PPP1R17: variants seen among roughly 807,000 people sequenced by gnomAD.
The protein encoded by PPP1R17 is G-substrate.
A neutral mutation model predicts 15.9 loss-of-function variants in PPP1R17; 12 were observed. The observed-to-expected ratio is 0.75, with a 90% CI of 0.48 to 1.22. The LOEUF is 1.22. Among genes scored for constraint, PPP1R17 ranks in the 50% most tolerant of loss-of-function variants. PPP1R17 has a pLI of 0.00. For synonymous variants in PPP1R17, 63 were observed against 64.5 expected, an observed-to-expected ratio of 0.98 and a Z score of 0.11; for missense variants, 211 against 187.3, an observed-to-expected ratio of 1.13 and a Z score of -0.74.
chr7:31,707,145 A>G, intron 4 of PPP1R17, 59 bp from the exon 5 acceptor site: 1 of 1,503,550 alleles, frequency 6.7e-7, no homozygotes, highest in Non-Finnish European at 9.2e-7. Context: ...TCTGTCTGCA[A>G]CGTTGCCTAA....
chr7:31,696,854 G>A, intron 3 of PPP1R17, 111 bp from the exon 4 acceptor site: 2 of 1,229,116 alleles, frequency 1.6e-6, no homozygotes, highest in Non-Finnish European at 2.2e-6. Flanking sequence ...AAGTAAGTTT[G>A]GAAAGCTATA....
chr7:31,689,570 T>C (rs763965000), intron 1 of PPP1R17, among the ~76,000 whole-genome samples: 3 of 152,080 alleles, frequency 2.0e-5, no homozygotes, highest in Non-Finnish European at 4.4e-5. Context: ...ATGTCAAGAA[T>C]TAGACCGGCT....
chr7:31,701,508 G>A lies in PPP1R17; in HGVS notation c.388+4391G>A, dbSNP rs568431927. On this transcript the variant is annotated intron_variant, in intron 4 of 4. Transcript: ENST00000342032. Reference sequence around the variant, plus strand: ...GAACATTGTTGAAATGACAACAAAGGGTTTAGAATATTATGTAAACTTAGT... The same window carrying A: ...GAACATTGTTGAAATGACAACAAAGAGTTTAGAATATTATGTAAACTTAGT... Among the ~76,000 whole-genome samples, 9 of 152,288 alleles carry A rather than the reference G, an allele frequency of 5.9e-5. No individual in the cohort carries two copies. The South Asian group carries it at 1.9e-3, about 32-fold the overall frequency.
At chr7:31,699,027 A>C (rs1484356771) in intron 4 of PPP1R17, among the ~76,000 whole-genome samples, 1 of 152,196 alleles carries the variant, frequency 6.6e-6, no homozygotes, top group Non-Finnish European at 1.5e-5. Flanking sequence ...ACAAACCCCA[A>C]AGAAAAAGTC....
chr7:31,691,797 T>TAAAAAAAAAAAAAAAAAAAAAAA (rs377169335), intron 1 of PPP1R17, among the ~76,000 whole-genome samples: 2 of 86,558 alleles, frequency 2.3e-5, no homozygotes, highest in African/African-American at 8.9e-5. Context: ...ATGTAATGAT[T>TAAAAAAAAAAAAAAAAAAAAAAA]AAAAAAAAAA....
intron 1 of PPP1R17, among the ~76,000 whole-genome samples, chr7:31,688,676 C>A (rs923182481): frequency 6.6e-6 from 1 of 152,164 alleles, no homozygotes; most frequent in Non-Finnish European, 1.5e-5. Context: ...AAGTATCTCT[C>A]TGTAAAAAGA....
chr7:31,690,799 A>T (rs1324969744), intron 1 of PPP1R17, among the ~76,000 whole-genome samples: 1 of 152,134 alleles, frequency 6.6e-6, no homozygotes, highest in Non-Finnish European at 1.5e-5. Flanking sequence ...GATTACTCTG[A>T]TTCTAAGTGT....
chr7:31,690,779 G>A (rs899775616), intron 1 of PPP1R17, among the ~76,000 whole-genome samples: 1 of 152,072 alleles, frequency 6.6e-6, no homozygotes, highest in Non-Finnish European at 1.5e-5. Context: ...GTAAGTGCGT[G>A]GCTTCAAATG....
chr7:31,692,458 A>AT lies in PPP1R17; in HGVS notation c.17_18insT (p.Gln6HisfsTer24). 8.7e-6 allele frequency: 14 copies of AT among 1,611,230 alleles called. No individual in the cohort carries two copies. The highest frequency in any genetic ancestry group is 1.2e-5 in the Non-Finnish European group (14 of 1,177,366). ...CCTCCTTTGATGATGTCCACTGAGC[A>AT]AATGCAGCCACTGGAACTCTCAGAA... On this transcript the variant is annotated frameshift_variant, in exon 2 of 5. Transcript: ENST00000342032. LOFTEE classifies it high-confidence loss of function.
In PPP1R17 at chr7:31,692,492, G is replaced by A; in HGVS notation, c.51G>A (p.Leu17=). The A allele has an allele frequency of 6.2e-7, 1 of 1,610,936 alleles. No individual in the cohort carries two copies. The highest frequency in any genetic ancestry group is 8.5e-7 in the Non-Finnish European group (1 of 1,177,134). Residue 17 remains leucine (L), a synonymous_variant, in exon 2 of 5, where the codon CTG becomes CTA. Coordinates refer to ENST00000342032, the MANE Select transcript of PPP1R17 (RefSeq NM_006658.5). ...MQPLELSEDR[L]DKLDPRCSHL... ...CACTGGAACTCTCAGAAGACAGACT[G>A]GACAAGCTAGACCCTCGTTGCAGCC... is the stretch of plus-strand genomic sequence containing the variant.
At chr7:31,691,096 T>G (rs1415540970) in intron 1 of PPP1R17, among the ~76,000 whole-genome samples, 1 of 152,134 alleles carries the variant, frequency 6.6e-6, no homozygotes, top group East Asian at 1.9e-4. Flanking sequence ...ATACAAACAC[T>G]GAAAACAATG....
At chr7:31,687,384 A>C (rs1792144730) in intron 1 of PPP1R17, 78 bp downstream of exon 1, 1 of 152,306 alleles carries the variant, frequency 6.6e-6, no homozygotes, top group Non-Finnish European at 1.5e-5. Flanking sequence ...GGGACAAAGA[A>C]GGCTGTAGCT....
intron 1 of PPP1R17, among the ~76,000 whole-genome samples, chr7:31,689,639 AGAGT>A (rs1792255794): frequency 1.3e-5 from 2 of 152,268 alleles, no homozygotes; most frequent in African/African-American, 4.8e-5. Flanking sequence ...ATAGAAATGG[AGAGT>A]GAGTTGAGAG....
Position 31,696,996 on chromosome 7 carries a change from C to A in PPP1R17, c.267C>A (p.Tyr89Ter). Residue 89 changes from tyrosine to a stop codon, truncating the protein, a stop_gained, in exon 4 of 5, where the codon TAC (tyrosine) becomes TAA (stop). Coordinates refer to ENST00000342032, the MANE Select transcript of PPP1R17 (RefSeq NM_006658.5). LOFTEE classifies it high-confidence loss of function. ...TTTCAGAACATTTAATTAAAAGATA[C>A]GATGTTCAAGAGAGACATCCAAAGG... Reference protein sequence around the residue: ...GVFSEHLIKRYDVQERHPKGK... With the variant: ...GVFSEHLIKR The A allele has an allele frequency of 6.2e-7, 1 of 1,613,916 alleles. No individual in the cohort carries two copies.
chr7:31,704,321 C>CTAT (rs1792978478), intron 4 of PPP1R17, among the ~76,000 whole-genome samples: 1 of 152,146 alleles, frequency 6.6e-6, no homozygotes, highest in Admixed American at 6.5e-5. Flanking sequence ...TGTGCATGAA[C>CTAT]TATTTTAGAT....
chr7:31,695,504 C>A lies in PPP1R17; in HGVS notation c.118C>A (p.Leu40Ile), dbSNP rs775137833. ...LSDQFIKDCD[L>I]KKKPRKGKNV... ...AGACCAGTTCATTAAGGACTGTGATCTCAAAAAGAAGCCTAGAAAGGGAAA... is the reference window on the plus strand; with the variant it reads ...AGACCAGTTCATTAAGGACTGTGATATCAAAAAGAAGCCTAGAAAGGGAAA... Residue 40 changes from leucine to isoleucine, a missense_variant, in exon 3 of 5, where the codon CTC becomes ATC. Physicochemically the swap from Leu to Ile is conservative, Grantham distance 5. Transcript: ENST00000342032. 6.2e-7 allele frequency: 1 copy of A among 1,612,950 alleles called. No homozygotes were observed. The highest frequency in any genetic ancestry group is 2.2e-5 in the East Asian group (1 of 44,818).
rs1208001926 is a variant in PPP1R17 at position 31,695,645 on chromosome 7, A to T, written c.235+24A>T. On this transcript the variant is annotated intron_variant, in intron 3 of 4. Coordinates refer to ENST00000342032, the MANE Select transcript of PPP1R17 (RefSeq NM_006658.5). ...AGGTAATGGACAAAGTCATCTGCAC[A>T]GCTGTAAAGGAGAGCCACTTGCCAC... 4.4e-6 allele frequency: 7 copies of T among 1,590,916 alleles called. No homozygotes were observed. The Admixed American group carries it at 1.3e-4, about 29-fold the overall frequency.
At chr7:31,701,576 G>GA (rs1562702921) in intron 4 of PPP1R17, among the ~76,000 whole-genome samples, 2 of 152,146 alleles carry the variant, frequency 1.3e-5, no homozygotes, top group Non-Finnish European at 2.9e-5. Flanking sequence ...ACTTGATTTT[G>GA]AAAAAAGTTC....
intron 4 of PPP1R17, among the ~76,000 whole-genome samples, chr7:31,700,984 G>A (rs1343676067): frequency 2.0e-5 from 3 of 152,160 alleles, no homozygotes; most frequent in African/African-American, 7.2e-5. Context: ...GGCACACAAG[G>A]AGATTAATGT....
Sources: gnomAD v4.1 joint callset for allele counts (sites outside exome capture counted in the v4.1 genomes callset) on GRCh38, gnomAD v4.1.1 for gene constraint, MANE v1.5 for transcripts, NCBI Gene and HGNC (gene_info 2026-07-23, HGNC 2026-07-21) for gene names.